GBF1: variants seen among roughly 807,000 people sequenced by gnomAD.
GBF1 encodes the protein golgi brefeldin A resistant guanine nucleotide exchange factor 1.
A neutral mutation model predicts 210.5 loss-of-function variants in GBF1; 114 were observed. The ratio of observed to expected loss-of-function variants is 0.54; its 90% confidence interval spans 0.47 to 0.63. The LOEUF is 0.63. Among genes scored for constraint, GBF1 ranks in the 30% least tolerant of loss-of-function variants. The pLI, the probability that GBF1 is intolerant of heterozygous loss-of-function variation, is 0.00. For missense variants in GBF1, 1,851 were observed against 2,357.7 expected, an observed-to-expected ratio of 0.79 and a Z score of 4.45; for synonymous variants, 850 against 889.2, an observed-to-expected ratio of 0.96 and a Z score of 0.78.
intron 3 of GBF1, among the ~76,000 whole-genome samples, chr10:102,300,928 T>TA (rs1478323005): frequency 6.6e-6 from 1 of 151,994 alleles, no homozygotes; most frequent in African/African-American, 2.4e-5. Context: ...AAGAGTAGTT[T>TA]GTTAGGACAG....
At chr10:102,283,180 T>C (rs1252523583) in intron 3 of GBF1, among the ~76,000 whole-genome samples, 1 of 152,248 alleles carries the variant, frequency 6.6e-6, no homozygotes, top group East Asian at 1.9e-4. Flanking sequence ...AGGCAGTTTA[T>C]TGATACCCTT....
At chr10:102,344,632 C>CTAATTTTTTGTATTTTGT (rs1388527717) in intron 4 of GBF1, among the ~76,000 whole-genome samples, 2 of 152,104 alleles carry the variant, frequency 1.3e-5, no homozygotes, top group South Asian at 4.2e-4. Flanking sequence ...AGGCGCCCAC[C>CTAATTTTTTGTATTTTGT]ACCACGCCCA....
chr10:102,370,300 C>T (rs2060132796), intron 27 of GBF1, 55 bp downstream of exon 27: 2 of 1,475,840 alleles, frequency 1.4e-6, no homozygotes, highest in Non-Finnish European at 1.9e-6. Flanking sequence ...GGAGGGGTGA[C>T]AGGGACAGTA....
Position 102,375,345 on chromosome 10 carries a change from TA to T in GBF1, c.3661-12del, listed in dbSNP as rs777027096. The T allele has an allele frequency of 6.5e-7, 1 of 1,537,290 alleles. No homozygotes were observed. The highest frequency in any genetic ancestry group is 1.7e-5 in the Admixed American group (1 of 59,896). ...CTCCCCGCTTCCCCGCTCCCTGCCCTAACCCCACTCCAGGTGCTGCTCTCCC... is the reference window on the plus strand; with the variant it reads ...CTCCCCGCTTCCCCGCTCCCTGCCCTACCCCACTCCAGGTGCTGCTCTCCC... On this transcript the variant is annotated splice_polypyrimidine_tract_variant and intron_variant, in intron 29 of 39. Coordinates refer to ENST00000369983, the MANE Select transcript of GBF1 (RefSeq NM_001377137.1).
At chr10:102,243,341 T>G (rs1395679640), upstream of GBF1, among the ~76,000 whole-genome samples, 1 of 152,100 alleles carries the variant, frequency 6.6e-6, no homozygotes, top group Non-Finnish European at 1.5e-5. Flanking sequence ...TTTAGGAGGG[T>G]AAGGACCATG....
intron 3 of GBF1, among the ~76,000 whole-genome samples, chr10:102,327,817 G>C (rs1278102253): frequency 1.3e-5 from 2 of 152,160 alleles, no homozygotes; most frequent in Admixed American, 1.3e-4. Flanking sequence ...TGTGCAGTTG[G>C]GATAAAACAA....
intron 8 of GBF1, among the ~76,000 whole-genome samples, chr10:102,355,432 G>A (rs2059238240): frequency 6.6e-6 from 1 of 152,224 alleles, no homozygotes; most frequent in South Asian, 2.1e-4. Context: ...GGAGTACAGA[G>A]TCATACAGAT....
intron 3 of GBF1, among the ~76,000 whole-genome samples, chr10:102,315,514 G>A (rs187554839): frequency 5.8e-4 from 89 of 152,242 alleles, no homozygotes; most frequent in Middle Eastern, 3.4e-3. Context: ...CACAGACAGT[G>A]GGGCTGGAGG....
At chr10:102,282,656 A>G (rs2075605908) in intron 3 of GBF1, among the ~76,000 whole-genome samples, 1 of 152,196 alleles carries the variant, frequency 6.6e-6, no homozygotes, top group African/African-American at 2.4e-5. Flanking sequence ...TTCCCTGGCA[A>G]CAGACTTCAG....
At chr10:102,333,855 G>C (rs946648372) in intron 3 of GBF1, among the ~76,000 whole-genome samples, 5 of 152,010 alleles carry the variant, frequency 3.3e-5, no homozygotes, top group African/African-American at 7.3e-5. Context: ...ATATTCCTGG[G>C]GTGTACAGCA....
chr10:102,297,384 AT>A (rs1407800472), intron 3 of GBF1, among the ~76,000 whole-genome samples: 1 of 152,206 alleles, frequency 6.6e-6, no homozygotes, highest in Non-Finnish European at 1.5e-5. Flanking sequence ...GGAAATAAGG[AT>A]TCAGGCAGTT....
At chr10:102,284,701 A>G (rs982483529) in intron 3 of GBF1, among the ~76,000 whole-genome samples, 1 of 152,098 alleles carries the variant, frequency 6.6e-6, no homozygotes, top group African/African-American at 2.4e-5. Flanking sequence ...CCTTTTGGCA[A>G]TTATGAATAG....
At position 102,363,924 on chromosome 10, in the gene GBF1, G is replaced by C. The variant is rs2059756508; in HGVS notation, c.2106+126G>C. The stretch of plus-strand genomic sequence containing the variant: ...GTACAGCTTCCTGAGGCCAGTCTTT[G>C]GGCTTGTTGGGACTTCAGCAACTCC... On this transcript the variant is annotated intron_variant, in intron 17 of 39. Coordinates refer to ENST00000369983, the MANE Select transcript of GBF1 (RefSeq NM_001377137.1). The surrounding 1 kb of genome is among the most constrained non-coding windows in gnomAD (Gnocchi z 4.2). 1.6e-6 allele frequency: 1 copy of C among 620,582 alleles called. No individual in the cohort carries two copies. The highest frequency in any genetic ancestry group is 1.8e-5 in the African/African-American group (1 of 54,078). The allele number at this position is 620,582 out of a possible 1,614,324, so 38.4% of individuals were successfully genotyped here. A position where few individuals can be genotyped will look rare whatever the true frequency, so the allele number is the denominator to read the frequency against.
At chr10:102,299,992 G>A (rs1413485311) in intron 3 of GBF1, among the ~76,000 whole-genome samples, 1 of 152,164 alleles carries the variant, frequency 6.6e-6, no homozygotes, top group East Asian at 1.9e-4. Flanking sequence ...CATGGGTATG[G>A]TCAGTAAATG....
At chr10:102,333,286 T>A (rs1167379137) in intron 3 of GBF1, among the ~76,000 whole-genome samples, 3 of 152,230 alleles carry the variant, frequency 2.0e-5, no homozygotes, top group Non-Finnish European at 2.9e-5. Context: ...GTATGGGACC[T>A]GTCCGTTGAC....
chr10:102,310,991 C>T (rs2078375112), intron 3 of GBF1, among the ~76,000 whole-genome samples: 2 of 152,176 alleles, frequency 1.3e-5, no homozygotes, highest in South Asian at 4.1e-4. Flanking sequence ...GGGTACTCTC[C>T]TTTAGAGGGT....
At chr10:102,361,314 C>T (rs2059590140) in intron 13 of GBF1, 194 bp downstream of exon 13, 1 of 573,852 alleles carries the variant, frequency 1.7e-6, no homozygotes, top group Non-Finnish European at 3.1e-6. Context: ...CCAAAGGAAA[C>T]TGGCTGACCC....
At chr10:102,349,914 T>C (rs1256958841) in intron 4 of GBF1, among the ~76,000 whole-genome samples, 1 of 152,206 alleles carries the variant, frequency 6.6e-6, no homozygotes, top group Non-Finnish European at 1.5e-5. Context: ...TCTGTACAGC[T>C]GAAATTCTCC....
At chr10:102,318,449 C>T (rs1027377474) in intron 3 of GBF1, among the ~76,000 whole-genome samples, 1 of 150,316 alleles carries the variant, frequency 6.7e-6, no homozygotes, top group Non-Finnish European at 1.5e-5. Flanking sequence ...CCTTGGCCTC[C>T]CAAAGTGCTG....
Sources: gnomAD v4.1 joint callset for allele counts (sites outside exome capture counted in the v4.1 genomes callset) on GRCh38, gnomAD v4.1.1 for gene constraint, Gnocchi (gnomAD v3.1) non-coding constraint, MANE v1.5 for transcripts, NCBI Gene and HGNC (gene_info 2026-07-23, HGNC 2026-07-21) for gene names.